The following EYS variants were observed in gnomAD, a reference collection of about 807,000 sequenced individuals.
The protein encoded by EYS is protein eyes shut homolog.
EYS carries 250 observed loss-of-function variants against 282.1 expected under a neutral mutation model. The observed-to-expected ratio is 0.89, with a 90% confidence interval of 0.80 to 0.98. EYS has a LOEUF of 0.98. EYS is among the 50% of genes least tolerant of loss of function. The pLI, the probability that EYS is intolerant of heterozygous loss-of-function variation, is 0.00. For missense variants in EYS, 4,016 were observed against 3,709.0 expected (o/e 1.08, Z -2.15); for synonymous variants, 1,355 against 1,282.9 (o/e 1.06, Z -1.20).
At chr6:65,440,980 A>G (rs542185581) in intron 5 of EYS, among the ~76,000 whole-genome samples, 15 of 142,322 alleles carry the variant, frequency 1.1e-4, no homozygotes, top group African/African-American at 3.2e-4. Flanking sequence ...CAGTGTATAT[A>G]TATATCTATA....
intron 26 of EYS, among the ~76,000 whole-genome samples, chr6:64,440,472 T>C (rs1424020786): frequency 1.3e-5 from 2 of 152,130 alleles, no homozygotes; most frequent in South Asian, 2.1e-4. Flanking sequence ...TATATGTGTG[T>C]GTGTTTGTGT....
chr6:64,964,694 A>C (rs534260679), intron 14 of EYS, among the ~76,000 whole-genome samples: 9 of 152,304 alleles, frequency 5.9e-5, no homozygotes, highest in African/African-American at 1.4e-4. Flanking sequence ...AAAAGTATGG[A>C]AAGTTTCTAT....
chr6:65,027,926 T>G (rs900320626), intron 13 of EYS, among the ~76,000 whole-genome samples: 3 of 152,192 alleles, frequency 2.0e-5, no homozygotes, highest in Admixed American at 2.0e-4. Flanking sequence ...AGTAAATACT[T>G]GATTGCTGGA....
rs564315274 is a variant in EYS, at chr6:63,984,504, G to A, written c.6934C>T (p.Leu2312Phe). ...AAGAATTCTTTGTTGTTTACTTGAA[G>A]GTCTAGAATGCAGCCCCTGAACCCA... ...VYGFRGCILD[L>F]QVNNKEFFII... is the part of the protein sequence containing the mutation. Residue 2312 changes from leucine to phenylalanine, a missense_variant, in exon 35 of 43, where the codon CTT becomes TTT. Transcript: ENST00000503581. The A allele has an allele frequency of 6.5e-7, 1 of 1,549,508 alleles. No homozygotes were observed. The highest frequency in any genetic ancestry group is 2.4e-5 in the East Asian group (1 of 40,840).
intron 14 of EYS, among the ~76,000 whole-genome samples, chr6:64,969,353 C>G (rs758885396): frequency 2.6e-5 from 4 of 152,110 alleles, no homozygotes; most frequent in Admixed American, 6.5e-5. Context: ...TGCAGTATCA[C>G]ACACATTTGT....
chr6:64,544,324 T>C (rs911014271), intron 26 of EYS, among the ~76,000 whole-genome samples: 1 of 152,144 alleles, frequency 6.6e-6, no homozygotes, highest in African/African-American at 2.4e-5. Context: ...GGAAAGAAAG[T>C]GTTGCAATTA....
chr6:63,984,435 G>C lies in EYS; in HGVS notation c.7003C>G (p.His2335Asp). ...AGATGATGAGCACACCAAGGGACGT[G>C]GCAGTTCTCAATATTCTTTCCATGT... ...ARHGKNIENC[H>D]VPWCAHHLCR... Residue 2335 changes from histidine (H) to aspartate (D), a missense_variant, in exon 35 of 43, where the codon CAC (histidine) becomes GAC (aspartate). Coordinates refer to ENST00000503581, the MANE Select transcript of EYS (RefSeq NM_001142800.2). The C allele has an allele frequency of 6.5e-7, 1 of 1,549,640 alleles. No individual in the cohort carries two copies. The highest frequency in any genetic ancestry group is 1.2e-5 in the South Asian group (1 of 84,044).
intron 11 of EYS, chr6:65,332,352 T>G (rs1440314922): frequency 1.2e-6 from 1 of 806,394 alleles, no homozygotes; most frequent in Non-Finnish European, 2.1e-6. Flanking sequence ...TCCCACCTGG[T>G]CATGCTGTAT....
chr6:64,794,292 G>A (rs1380524244), intron 22 of EYS, among the ~76,000 whole-genome samples: 1 of 152,112 alleles, frequency 6.6e-6, no homozygotes, highest in African/African-American at 2.4e-5. Flanking sequence ...CAATTTAAAT[G>A]TCTGATATGG....
chr6:65,556,903 A>G (rs1187172184), intron 2 of EYS, among the ~76,000 whole-genome samples: 1 of 152,178 alleles, frequency 6.6e-6, no homozygotes, highest in Non-Finnish European at 1.5e-5. Flanking sequence ...CTTAATTCTT[A>G]GGATAATTTG....
chr6:64,483,447 C>A (rs796533280), intron 26 of EYS, among the ~76,000 whole-genome samples: 8 of 151,788 alleles, frequency 5.3e-5, no homozygotes, highest in African/African-American at 1.9e-4. Context: ...GAAAGGAGTT[C>A]TTTTAAATTC....
chr6:65,109,308 G>A (rs1245445558), intron 12 of EYS, among the ~76,000 whole-genome samples: 3 of 151,626 alleles, frequency 2.0e-5, no homozygotes, highest in African/African-American at 7.3e-5. Context: ...TAGTAATTTT[G>A]GCATTATATT....
chr6:64,526,268 T>C (rs1433379161), intron 26 of EYS, among the ~76,000 whole-genome samples: 1 of 151,726 alleles, frequency 6.6e-6, no homozygotes, highest in Non-Finnish European at 1.5e-5. Context: ...TTTTCTTTAT[T>C]AGCTTTATCA....
At chr6:64,801,644 T>G (rs1469734492) in intron 22 of EYS, among the ~76,000 whole-genome samples, 1 of 152,190 alleles carries the variant, frequency 6.6e-6, no homozygotes, top group Non-Finnish European at 1.5e-5. Context: ...TTAATGTATT[T>G]TATTAAAATT....
chr6:64,509,954 T>C (rs1175212200), intron 26 of EYS, among the ~76,000 whole-genome samples: 1 of 152,134 alleles, frequency 6.6e-6, no homozygotes, highest in Non-Finnish European at 1.5e-5. Flanking sequence ...ACAATAAATA[T>C]TGGGAATCAA....
chr6:65,700,310 C>T lies in EYS; in HGVS notation c.-448+6825G>A, dbSNP rs1390669002. ...ACTTCAACTAAGACCGTGACAGTGA[C>T]ATGGAAAAAAGAGGGAAGCATTTTA... On this transcript the variant is annotated intron_variant, in intron 1 of 42. Coordinates refer to ENST00000503581, the MANE Select transcript of EYS (RefSeq NM_001142800.2). Among the ~76,000 whole-genome samples, 6 of 151,504 alleles carry T rather than the reference C, an allele frequency of 4.0e-5. No individual in the cohort carries two copies. The South Asian group carries it at 6.2e-4, about 16-fold the overall frequency.
Position 63,721,018 on chromosome 6 carries a change from C to G in EYS, c.9013G>C (p.Glu3005Gln), listed in dbSNP as rs1768361715. Residue 3005 changes from glutamate (E) to glutamine (Q), a missense_variant, in exon 43 of 43, where the codon GAA becomes CAA. Coordinates refer to ENST00000503581, the MANE Select transcript of EYS (RefSeq NM_001142800.2). The part of the protein sequence containing the change: ...IVWMGIAQNE[E>Q]NDFLAIGLHN... ...AGACCAATTGCCAGAAAATCATTTT[C>G]TTCATTTTGAGCTATTCCCATCCAT... is the stretch of plus-strand genomic sequence containing the variant. 1 of 1,551,134 alleles carries G rather than the reference C, an allele frequency of 6.4e-7. No homozygotes were observed. Among genetic ancestry groups the G allele is most frequent in the Non-Finnish European group, 8.7e-7 (1 of 1,146,762 alleles).
chr6:63,782,877 T>C (rs1770269020), intron 39 of EYS, among the ~76,000 whole-genome samples: 1 of 152,152 alleles, frequency 6.6e-6, no homozygotes, highest in African/African-American at 2.4e-5. Context: ...TGCTTTCTCT[T>C]GTTGGCATTT....
intron 31 of EYS, among the ~76,000 whole-genome samples, chr6:64,207,581 A>T (rs1021306461): frequency 5.9e-5 from 9 of 152,166 alleles, no homozygotes; most frequent in Non-Finnish European, 1.2e-4. Context: ...AGTGAAAAAG[A>T]TGTGAGAAGG....
Sources: gnomAD v4.1 joint callset for allele counts (sites outside exome capture counted in the v4.1 genomes callset) on GRCh38, gnomAD v4.1.1 for gene constraint, MANE v1.5 for transcripts, NCBI Gene and HGNC (gene_info 2026-07-23, HGNC 2026-07-21) for gene names.